Variants in AZIN2 observed in about 807,000 individuals in gnomAD.
AZIN2 encodes antizyme inhibitor 2, also known as ODC antizyme inhibitor-2.
Under a neutral mutation model 47.8 loss-of-function variants are expected in AZIN2, and 28 were observed. The ratio of observed to expected loss-of-function variants is 0.59; its 90% CI spans 0.43 to 0.80. AZIN2 has a LOEUF of 0.80. Ranked by LOEUF, AZIN2 falls within the 30% of genes least tolerant of loss-of-function variation. The pLI, the probability that AZIN2 is intolerant of heterozygous loss-of-function variation, is 0.00. For synonymous variants in AZIN2, 221 were observed against 239.4 expected (o/e 0.92, Z 0.71); for missense variants, 535 against 582.5 (o/e 0.92, Z 0.84).
At chr1:33,082,139 G>GC in intron 3 of AZIN2, 39 bp from the exon 4 acceptor site, 1 of 887,108 alleles carries the variant, frequency 1.1e-6, no homozygotes, top group East Asian at 2.7e-5. Context: ...AGCAGAGCCG[G>GC]CCCCCCAGCG....
the AZIN2 span, among the ~76,000 whole-genome samples, chr1:33,134,310 A>G: frequency 1.3e-5 from 2 of 152,250 alleles, no homozygotes; most frequent in Admixed American, 6.5e-5. Context: ...ATCTGAGGCT[A>G]TCGTGGTGAA....
intron 10 of AZIN2, among the ~76,000 whole-genome samples, chr1:33,098,620 G>A (rs1278239698): frequency 6.6e-6 from 1 of 152,194 alleles, no homozygotes; most frequent in African/African-American, 2.4e-5. Context: ...TGTAATAACA[G>A]GGGAACAGGA....
intron 4 of AZIN2, 172 bp from the exon 5 acceptor site, chr1:33,083,782 C>A: frequency 1.5e-6 from 1 of 688,196 alleles, no homozygotes. Flanking sequence ...GAATGCCAGG[C>A]TGAGGAGTTT....
At chr1:33,139,644 A>G in the AZIN2 span, among the ~76,000 whole-genome samples, 1 of 152,254 alleles carries the variant, frequency 6.6e-6, no homozygotes, top group Non-Finnish European at 1.5e-5. Context: ...ATAAAGGTCC[A>G]CATGTCTGAT....
At chr1:33,132,456 A>G in the AZIN2 span, among the ~76,000 whole-genome samples, 1 of 152,218 alleles carries the variant, frequency 6.6e-6, no homozygotes, top group African/African-American at 2.4e-5. Context: ...ATAGTTTGTC[A>G]ACCCCTAAAC....
At chr1:33,127,255 G>GA (rs1177950343), downstream of AZIN2, among the ~76,000 whole-genome samples, 1 of 152,230 alleles carries the variant, frequency 6.6e-6, no homozygotes, top group Non-Finnish European at 1.5e-5. Context: ...CCAGCCACCG[G>GA]AACCCCCAGC....
chr1:33,117,801 A>T, intron 10 of AZIN2, 101 bp from the exon 11 acceptor site: 2 of 1,309,276 alleles, frequency 1.5e-6, no homozygotes, highest in Non-Finnish European at 2.2e-6. Context: ...TCTAGACTTT[A>T]TCCTGTTGGC....
intron 10 of AZIN2, among the ~76,000 whole-genome samples, chr1:33,104,534 T>C (rs1052107479): frequency 1.4e-5 from 2 of 143,676 alleles, no homozygotes; most frequent in African/African-American, 5.1e-5. Context: ...TTATAGATTA[T>C]CTTTATTACA....
chr1:33,165,333 T>TAGAA, the AZIN2 span: 4,321 of 708,964 alleles, frequency 6.1e-3, 169 homozygotes, highest in East Asian at 0.096. This position sits in a 1 kb window ranked among gnomAD's most constrained non-coding sequence, Gnocchi z 4.0. Context: ...CCTGCCCTTC[T>TAGAA]CACTCCAGGT....
chr1:33,089,547 G>C (rs1247981857), intron 5 of AZIN2, among the ~76,000 whole-genome samples: 1 of 152,166 alleles, frequency 6.6e-6, no homozygotes, highest in Admixed American at 6.5e-5. Context: ...GTGAGGCAGG[G>C]AACAAAAACA....
In AZIN2 at chr1:33,096,716, G is replaced by T; in HGVS notation, c.763G>T (p.Val255Leu). 1 of 1,614,186 alleles carries T rather than the reference G, an allele frequency of 6.2e-7. No homozygotes were observed. The highest frequency in any genetic ancestry group is 1.1e-5 in the South Asian group (1 of 91,090). Residue 255 changes from valine to leucine, a missense_variant, in exon 9 of 12, where the codon GTG becomes TTG. Around this residue, in one of 3 missense-constraint regions of AZIN2, gnomAD observed 409 missense variants for 429.0 expected, o/e 0.95. Transcript: ENST00000294517. ...ATTCTCCTCCTACCAGATTGCTTCC[G>T]TGATCAACTCAGCCTTGGACCTGTA... is the stretch of plus-strand genomic sequence containing the variant. ...AKVRFEEIAS[V>L]INSALDLYFP... is the part of the protein sequence containing the mutation.
chr1:33,132,353 C>T, the AZIN2 span, among the ~76,000 whole-genome samples: 3 of 152,208 alleles, frequency 2.0e-5, no homozygotes, highest in East Asian at 5.8e-4. Context: ...TTCATTCTGC[C>T]CTGCAGAGCA....
chr1:33,146,919 C>T, the AZIN2 span: 2 of 522,356 alleles, frequency 3.8e-6, no homozygotes, highest in Non-Finnish European at 6.9e-6. Flanking sequence ...AGGGGTTGCC[C>T]TGAGGAGAAG....
the AZIN2 span, among the ~76,000 whole-genome samples, chr1:33,153,829 C>T: frequency 3.3e-5 from 5 of 152,206 alleles, no homozygotes; most frequent in Admixed American, 3.3e-4. Flanking sequence ...AGGATCCATT[C>T]ATTTTGTTAT....
intron 10 of AZIN2, among the ~76,000 whole-genome samples, chr1:33,104,447 GAC>G (rs974620611): frequency 6.6e-5 from 10 of 151,876 alleles, no homozygotes; most frequent in Admixed American, 4.6e-4. Flanking sequence ...TAGAAGTTTT[GAC>G]ACACTATTTT....
At chr1:33,155,591 G>A in the AZIN2 span, among the ~76,000 whole-genome samples, 15 of 152,280 alleles carry the variant, frequency 9.9e-5, no homozygotes, top group South Asian at 2.1e-4. Flanking sequence ...GGGGCCCGAC[G>A]TTGGGGTTTA....
the AZIN2 span, chr1:33,165,756 G>A: frequency 4.7e-6 from 2 of 427,190 alleles, no homozygotes; most frequent in South Asian, 5.8e-5. The surrounding 1 kb of genome is among the most constrained non-coding windows in gnomAD (Gnocchi z 4.0). Flanking sequence ...GAACCCGTCC[G>A]TATCTTTCAC....
rs566530798 is a variant in AZIN2 at position 33,094,525 on chromosome 1, C to T, written c.588-23C>T. 38 of 1,600,142 alleles carry T rather than the reference C, an allele frequency of 2.4e-5. 1 individual carries two copies. The highest frequency in any genetic ancestry group is 1.0e-4 in the South Asian group (9 of 90,400). On this transcript the variant is annotated intron_variant, in intron 7 of 11. Coordinates refer to ENST00000294517, the MANE Select transcript of AZIN2 (RefSeq NM_052998.4). Reference sequence around the variant, plus strand: ...GGCACTTGGAGCCCTGCATGTCAGCCGAGGCTCTTCCTCTCTTCCCAGTTT... The same window carrying T: ...GGCACTTGGAGCCCTGCATGTCAGCTGAGGCTCTTCCTCTCTTCCCAGTTT...
the AZIN2 span, among the ~76,000 whole-genome samples, chr1:33,129,952 C>T: frequency 6.6e-6 from 1 of 152,194 alleles, no homozygotes; most frequent in East Asian, 1.9e-4. The surrounding 1 kb of genome is among the most constrained non-coding windows in gnomAD (Gnocchi z 4.1). Context: ...CTCTGCCTCC[C>T]GGGTTCAAGC....
Sources: allele counts gnomAD v4.1 joint callset (sites outside exome capture counted in the v4.1 genomes callset), GRCh38; gene constraint gnomAD v4.1.1; regional missense constraint gnomAD v4.1.1; non-coding constraint Gnocchi (gnomAD v3.1); transcripts MANE v1.5; gene names NCBI Gene and HGNC (gene_info 2026-07-23, HGNC 2026-07-21).